Variants in SLC9C1 observed in about 807,000 individuals in gnomAD.
SLC9C1 encodes solute carrier family 9 member C1.
SLC9C1 carries 97 observed loss-of-function variants against 140.9 expected under a neutral mutation model. The observed-to-expected ratio is 0.69, with a 90% confidence interval of 0.58 to 0.82. The LOEUF (loss-of-function observed/expected upper bound fraction) is 0.82. SLC9C1 is among the 40% of genes least tolerant of loss of function. The probability of loss-of-function intolerance (pLI) is 0.00; values close to 1 mark genes in which losing one functional copy is unlikely to be tolerated. For synonymous variants in SLC9C1, 440 were observed against 442.6 expected (o/e 0.99, Z 0.07); for missense variants, 1,340 against 1,389.3 (o/e 0.96, Z 0.56).
chr3:112,287,683 T>A (rs1164256832), intron 1 of SLC9C1, among the ~76,000 whole-genome samples: 1 of 152,196 alleles, frequency 6.6e-6, no homozygotes, highest in African/African-American at 2.4e-5. Context: ...TATGATTCTA[T>A]CTCTCATAAT....
At chr3:112,230,481 C>T (rs549703156) in intron 13 of SLC9C1, among the ~76,000 whole-genome samples, 2 of 152,302 alleles carry the variant, frequency 1.3e-5, no homozygotes, top group East Asian at 1.9e-4. Context: ...TGGAATAAAG[C>T]ACCATGTGGG....
Position 112,182,267 on chromosome 3 carries a change from T to C in SLC9C1, c.2524-9A>G. The C allele has an allele frequency of 2.5e-6, 4 of 1,593,506 alleles. No homozygotes were observed. Among genetic ancestry groups the C allele is most frequent in the Non-Finnish European group, 3.4e-6 (4 of 1,172,254 alleles). On this transcript the variant is annotated splice_polypyrimidine_tract_variant and intron_variant, in intron 20 of 28. Transcript: ENST00000305815. ...TTTTTGGCCATGATTAACTAAAACA[T>C]AAAATTTAAGAAAAGGGATGAACCA...
intron 22 of SLC9C1, among the ~76,000 whole-genome samples, chr3:112,180,033 T>G (rs2077408969): frequency 6.6e-6 from 1 of 152,194 alleles, no homozygotes; most frequent in African/African-American, 2.4e-5. Flanking sequence ...TTTGAAAGTT[T>G]CCTGTTATCT....
Position 112,217,551 on chromosome 3 carries a change from G to A in SLC9C1, c.1681C>T (p.Leu561Phe). ...FGEKKGKCMSLDTIKNYSESQ... is the reference protein window; with the variant it reads ...FGEKKGKCMSFDTIKNYSESQ... The stretch of plus-strand genomic sequence containing the variant: ...TCAGAATAATTCTTTATTGTATCAA[G>A]ACTCATACATCTAGAAAAAGAGAGA... The change falls in exon 15 of 29, where the codon CTT (leucine) becomes TTT (phenylalanine). Residue 561 changes from leucine (L) to phenylalanine (F), a missense_variant. Physicochemically the swap from Leu to Phe is conservative, Grantham distance 22 (BLOSUM62 0). Transcript: ENST00000305815. 2 of 1,586,602 alleles carry A rather than the reference G, an allele frequency of 1.3e-6. No individual in the cohort carries two copies. The highest frequency in any genetic ancestry group is 1.7e-6 in the Non-Finnish European group (2 of 1,169,390).
At chr3:112,267,824 A>G (rs1354288310) in intron 7 of SLC9C1, among the ~76,000 whole-genome samples, 2 of 152,132 alleles carry the variant, frequency 1.3e-5, no homozygotes, top group South Asian at 2.1e-4. Flanking sequence ...GAAATCATGG[A>G]CATAGGTTCT....
chr3:112,281,752 G>A (rs546939358), intron 2 of SLC9C1, among the ~76,000 whole-genome samples: 45 of 152,298 alleles, frequency 3.0e-4, no homozygotes, highest in Non-Finnish European at 3.5e-4. Context: ...GGTTTGAAAA[G>A]AGTAATATGA....
At chr3:112,160,884 C>A (rs1215446679) in intron 26 of SLC9C1, among the ~76,000 whole-genome samples, 1 of 152,098 alleles carries the variant, frequency 6.6e-6, no homozygotes, top group Admixed American at 6.5e-5. Flanking sequence ...ACAGTCCCAC[C>A]AACAGTGCAA....
At chr3:112,221,008 T>C (rs2078525290) in intron 14 of SLC9C1, 120 bp downstream of exon 14, 1 of 702,102 alleles carries the variant, frequency 1.4e-6, no homozygotes, top group Non-Finnish European at 2.4e-6. Flanking sequence ...TGTAATACTA[T>C]AGTATTAATA....
At chr3:112,185,436 C>T in intron 20 of SLC9C1, 2 of 1,500,450 alleles carry the variant, frequency 1.3e-6, no homozygotes, top group South Asian at 2.4e-5. Context: ...GGGTCTCAGC[C>T]CAGCCCCTCT....
intron 12 of SLC9C1, among the ~76,000 whole-genome samples, chr3:112,233,361 T>G (rs1284417107): frequency 2.0e-5 from 3 of 152,142 alleles, no homozygotes; most frequent in Non-Finnish European, 4.4e-5. Context: ...GCCACTGTGC[T>G]GACCTATGAT....
intron 10 of SLC9C1, among the ~76,000 whole-genome samples, chr3:112,256,397 T>C (rs1457149180): frequency 1.3e-5 from 2 of 152,060 alleles, no homozygotes; most frequent in Non-Finnish European, 2.9e-5. Context: ...GTAGGCTTGA[T>C]TGGGATGCAA....
At chr3:112,262,574 T>C (rs1478216221) in intron 10 of SLC9C1, among the ~76,000 whole-genome samples, 7 of 151,966 alleles carry the variant, frequency 4.6e-5, no homozygotes, top group Admixed American at 4.6e-4. Flanking sequence ...CTCATAGCAT[T>C]ACTAAATGAG....
intron 20 of SLC9C1, among the ~76,000 whole-genome samples, chr3:112,186,938 G>T (rs996855284): frequency 6.6e-6 from 1 of 152,100 alleles, no homozygotes; most frequent in African/African-American, 2.4e-5. Flanking sequence ...GTTATATAAG[G>T]CATTCTAAAT....
Position 112,217,469 on chromosome 3 carries a change from G to A in SLC9C1, c.1763C>T (p.Thr588Ile), listed in dbSNP as rs749616537. 18 of 1,601,058 alleles carry A rather than the reference G, an allele frequency of 1.1e-5. No individual in the cohort carries two copies. The highest frequency in any genetic ancestry group is 1.5e-5 in the Non-Finnish European group (18 of 1,175,924). Residue 588 changes from threonine to isoleucine, a missense_variant, in exon 15 of 29, where the codon ACC (threonine) becomes ATC (isoleucine). Coordinates refer to ENST00000305815, the MANE Select transcript of SLC9C1 (RefSeq NM_183061.3). ...TGATGGGCCCTCTTTTTCCTTTCTG[G>A]TATTATACACCCAATTAAGTAGTAG... ...RKLLLNWVYN[T>I]RKEKEGPSKY...
At chr3:112,233,271 T>A (rs753358030) in intron 12 of SLC9C1, among the ~76,000 whole-genome samples, 2 of 151,956 alleles carry the variant, frequency 1.3e-5, no homozygotes, top group African/African-American at 2.4e-5. Context: ...TTTTGGCATG[T>A]TGCCAGGTTC....
At chr3:112,187,438 A>T (rs2077560393) in intron 20 of SLC9C1, among the ~76,000 whole-genome samples, 1 of 152,172 alleles carries the variant, frequency 6.6e-6, no homozygotes, top group Admixed American at 6.5e-5. Flanking sequence ...ATCAGCATTA[A>T]ACTAAAAATA....
At chr3:112,278,456 A>G (rs1216229640) in intron 4 of SLC9C1, among the ~76,000 whole-genome samples, 5 of 152,144 alleles carry the variant, frequency 3.3e-5, no homozygotes, top group African/African-American at 1.2e-4. Flanking sequence ...GCACTCTTGT[A>G]GCATTTCCGA....
chr3:112,277,949 A>G (rs183760704), intron 4 of SLC9C1, 89 bp from the exon 5 acceptor site: 2 of 1,124,504 alleles, frequency 1.8e-6, no homozygotes, highest in East Asian at 2.6e-5. Flanking sequence ...GAGATACAGA[A>G]TCAACCAACA....
intron 28 of SLC9C1, chr3:112,151,609 T>G: frequency 1.9e-6 from 1 of 523,670 alleles, no homozygotes; most frequent in Non-Finnish European, 3.6e-6. Context: ...CATGTGAGAT[T>G]AAGTGGCAGT....
Sources: allele counts gnomAD v4.1 joint callset (sites outside exome capture counted in the v4.1 genomes callset), GRCh38; gene constraint gnomAD v4.1.1; transcripts MANE v1.5; gene names NCBI Gene and HGNC (gene_info 2026-07-23, HGNC 2026-07-21).